GALNTL6: variants seen among roughly 807,000 people sequenced by gnomAD.
GALNTL6 encodes the protein polypeptide N-acetylgalactosaminyltransferase like 6.
In GALNTL6, 46 loss-of-function variants were observed where a neutral mutation model predicts 73.7. The observed-to-expected ratio is 0.62, with a 90% CI of 0.49 to 0.80. The LOEUF (loss-of-function observed/expected upper bound fraction) is 0.80. GALNTL6 is among the 30% of genes least tolerant of loss of function. GALNTL6 has a pLI of 0.00. For synonymous variants in GALNTL6, 259 were observed against 263.7 expected (o/e 0.98, Z 0.17); for missense variants, 604 against 755.0 (o/e 0.80, Z 2.34).
chr4:173,032,359 G>A (rs987097354), intron 12 of GALNTL6, among the ~76,000 whole-genome samples: 1 of 152,050 alleles, frequency 6.6e-6, no homozygotes, highest in African/African-American at 2.4e-5. Flanking sequence ...GCTGAGGCAG[G>A]AGAATGGCGT....
At chr4:172,496,365 A>C (rs1358226010) in intron 5 of GALNTL6, among the ~76,000 whole-genome samples, 1 of 152,146 alleles carries the variant, frequency 6.6e-6, no homozygotes, top group African/African-American at 2.4e-5. Flanking sequence ...TCTAGAAATA[A>C]GTTATATTTT....
intron 2 of GALNTL6, among the ~76,000 whole-genome samples, chr4:171,998,398 T>G (rs748753344): frequency 4.6e-5 from 7 of 152,152 alleles, no homozygotes; most frequent in Non-Finnish European, 1.0e-4. Context: ...GACCACTTGC[T>G]GCCTCTCCAC....
At chr4:171,981,499 T>G (rs1560869570) in intron 2 of GALNTL6, among the ~76,000 whole-genome samples, 1 of 152,198 alleles carries the variant, frequency 6.6e-6, no homozygotes, top group African/African-American at 2.4e-5. Flanking sequence ...TGGCAAATTA[T>G]GAGGGAGGTA....
chr4:172,516,685 A>C (rs920317906), intron 5 of GALNTL6, among the ~76,000 whole-genome samples: 2 of 152,190 alleles, frequency 1.3e-5, no homozygotes, highest in African/African-American at 4.8e-5. Context: ...TTCTATGTAT[A>C]TACATCCAAA....
At chr4:173,009,435 A>G in intron 11 of GALNTL6, 141 bp downstream of exon 11, 1 of 620,428 alleles carries the variant, frequency 1.6e-6, no homozygotes, top group African/African-American at 1.8e-5. Context: ...ATCACCAACC[A>G]GCTCTGCAGT....
At chr4:172,859,625 T>C (rs990977452) in intron 7 of GALNTL6, among the ~76,000 whole-genome samples, 3 of 152,054 alleles carry the variant, frequency 2.0e-5, no homozygotes, top group Admixed American at 2.0e-4. Context: ...ATAGACAGGT[T>C]TGAGAAAAAA....
At chr4:171,969,916 T>C (rs1739510261) in intron 2 of GALNTL6, among the ~76,000 whole-genome samples, 2 of 152,082 alleles carry the variant, frequency 1.3e-5, no homozygotes, top group African/African-American at 4.8e-5. Context: ...ATTATAAACA[T>C]GTGCCACCAC....
intron 5 of GALNTL6, among the ~76,000 whole-genome samples, chr4:172,450,843 C>T (rs1364074612): frequency 6.6e-6 from 1 of 152,252 alleles, no homozygotes; most frequent in Admixed American, 6.5e-5. Flanking sequence ...TCAGAGAAGT[C>T]TTTCCTACCT....
At chr4:172,197,334 A>G (rs1307287874) in intron 2 of GALNTL6, among the ~76,000 whole-genome samples, 7 of 152,250 alleles carry the variant, frequency 4.6e-5, no homozygotes. Flanking sequence ...CATGGATAAG[A>G]AGGATCAATA....
intron 2 of GALNTL6, among the ~76,000 whole-genome samples, chr4:171,931,702 A>G (rs1341400933): frequency 2.0e-5 from 3 of 152,216 alleles, no homozygotes; most frequent in Non-Finnish European, 4.4e-5. Flanking sequence ...TATCAACTAG[A>G]TGTTATAACA....
intron 2 of GALNTL6, among the ~76,000 whole-genome samples, chr4:172,123,617 T>C (rs2111003900): frequency 6.6e-6 from 1 of 150,386 alleles, no homozygotes; most frequent in South Asian, 2.1e-4. Context: ...TTCTCCTGCC[T>C]CAGCCTCCCA....
At chr4:172,545,669 G>C (rs1179365777) in intron 5 of GALNTL6, 1 of 152,202 alleles carries the variant, frequency 6.6e-6, no homozygotes, top group Non-Finnish European at 1.5e-5. Flanking sequence ...TGGGAAGCAG[G>C]ACCTGCTCAG....
chr4:172,194,468 C>G (rs1181001975), intron 2 of GALNTL6, among the ~76,000 whole-genome samples: 1 of 152,034 alleles, frequency 6.6e-6, no homozygotes, highest in Non-Finnish European at 1.5e-5. Flanking sequence ...GTAGGATAAT[C>G]CATAAGAAGA....
intron 7 of GALNTL6, among the ~76,000 whole-genome samples, chr4:172,820,406 A>G (rs1381763675): frequency 2.0e-5 from 3 of 152,232 alleles, no homozygotes; most frequent in African/African-American, 7.2e-5. Context: ...GAAAGTAAAG[A>G]TAATCTATTT....
intron 2 of GALNTL6, among the ~76,000 whole-genome samples, chr4:172,018,516 C>A (rs1310153381): frequency 6.6e-6 from 1 of 151,874 alleles, no homozygotes; most frequent in African/African-American, 2.4e-5. Context: ...AAGGCCTCAC[C>A]CAGCTCCCAC....
At position 172,257,431 on chromosome 4, in the gene GALNTL6, G is replaced by A. The variant is rs1169277819; in HGVS notation, c.247+27667G>A. Among the ~76,000 whole-genome samples the A allele has an allele frequency of 3.3e-5, 5 of 151,454 alleles. No individual in the cohort carries two copies. In the East Asian group the frequency reaches 5.8e-4, roughly 18 times the overall value. ...AAGCATGAGCTGCAAGACTTTAGTCGGCCAGGAATTGATTGTTGCTGCTTG... is the reference window on the plus strand; with the variant it reads ...AAGCATGAGCTGCAAGACTTTAGTCAGCCAGGAATTGATTGTTGCTGCTTG... On this transcript the variant is annotated intron_variant, in intron 3 of 12. Coordinates refer to ENST00000506823, the MANE Select transcript of GALNTL6 (RefSeq NM_001034845.3).
rs1561091638 is a variant in GALNTL6, at chr4:173,022,066, G to GGAAGGAAA, written c.1638+448_1638+449insAGAAGGAA. Among the ~76,000 whole-genome samples the GGAAGGAAA allele has an allele frequency of 3.2e-3, 381 of 118,488 alleles. 8 individuals carry two copies. The highest frequency in any genetic ancestry group is 0.013 in the African/African-American group (348 of 27,446). The allele number at this position is 118,488 out of a possible 152,430, so 77.7% of individuals were successfully genotyped here. On this transcript the variant is annotated intron_variant, in intron 12 of 12. Transcript: ENST00000506823. ...AGGAAGGAAGGAAGGAAGGAAGGAA[G>GGAAGGAAA]GAAGGAAGGAAGGAAGGAAGGAAAG...
rs565987566 is a variant in GALNTL6, at chr4:171,930,117, C to T, written c.138+115399C>T. Reference sequence around the variant, plus strand: ...AGCCTCCTGGATATACCACCACATACCTGCACCCAACCCTACAGCCAGTTG... The same window carrying T: ...AGCCTCCTGGATATACCACCACATATCTGCACCCAACCCTACAGCCAGTTG... On this transcript the variant is annotated intron_variant, in intron 2 of 12. Coordinates refer to ENST00000506823, the MANE Select transcript of GALNTL6 (RefSeq NM_001034845.3). 3.3e-5 allele frequency among the ~76,000 whole-genome samples: 5 copies of T among 152,368 alleles called. No individual in the cohort carries two copies. In the South Asian group the frequency reaches 6.2e-4, roughly 19 times the overall value.
At chr4:172,526,041 G>A (rs2110831249) in intron 5 of GALNTL6, among the ~76,000 whole-genome samples, 1 of 152,206 alleles carries the variant, frequency 6.6e-6, no homozygotes, top group South Asian at 2.1e-4. Context: ...ATGAATTGAA[G>A]TTTACCTTAA....
Sources: allele counts gnomAD v4.1 joint callset (sites outside exome capture counted in the v4.1 genomes callset), GRCh38; gene constraint gnomAD v4.1.1; transcripts MANE v1.5; gene names NCBI Gene and HGNC (gene_info 2026-07-23, HGNC 2026-07-21).